The following DCHS2 variants were observed in gnomAD, a reference collection of about 807,000 sequenced individuals.
DCHS2 encodes dachsous cadherin-related 2.
A neutral mutation model predicts 182.4 loss-of-function variants in DCHS2; 142 were observed. The ratio of observed to expected loss-of-function variants is 0.78; its 90% confidence interval spans 0.68 to 0.89. The LOEUF is 0.89. DCHS2 is among the 40% of genes least tolerant of loss of function. The pLI is 0.00. For missense variants in DCHS2, 4,319 were observed against 4,198.6 expected (o/e 1.03, Z -0.79); for synonymous variants, 1,740 against 1,663.3 (o/e 1.05, Z -1.12).
intron 13 of DCHS2, among the ~76,000 whole-genome samples, chr4:154,275,929 T>C (rs970971356): frequency 3.3e-5 from 5 of 152,186 alleles, no homozygotes; most frequent in African/African-American, 1.2e-4. Context: ...CAAATGGAAT[T>C]GTAGCACAAA....
Position 154,298,194 on chromosome 4 carries a change from C to G in DCHS2, c.6120G>C (p.Gln2040His). ...DVNDNDPVLEQNPFDVFLSPE... is the reference protein window; with the variant it reads ...DVNDNDPVLEHNPFDVFLSPE... Reference sequence around the variant, plus strand: ...GGGAAAGAAACACATCAAAAGGGTTCTGTTCCAAAACTGGATCATTGTCAT... The same window carrying G: ...GGGAAAGAAACACATCAAAAGGGTTGTGTTCCAAAACTGGATCATTGTCAT... Residue 2040 changes from glutamine (Q) to histidine (H), a missense_variant, in exon 13 of 20, where the codon CAG becomes CAC. Transcript: ENST00000357232. 1 of 1,614,116 alleles carries G rather than the reference C, an allele frequency of 6.2e-7. No individual in the cohort carries two copies. Among genetic ancestry groups the G allele is most frequent in the Non-Finnish European group, 8.5e-7 (1 of 1,180,006 alleles).
intron 3 of DCHS2, among the ~76,000 whole-genome samples, chr4:154,347,608 T>C (rs1729419244): frequency 6.6e-6 from 1 of 151,892 alleles, no homozygotes; most frequent in Non-Finnish European, 1.5e-5. Flanking sequence ...GACTCCTTAA[T>C]ACAATACTAG....
At chr4:154,424,699 C>T (rs1733251726) in intron 1 of DCHS2, among the ~76,000 whole-genome samples, 1 of 152,222 alleles carries the variant, frequency 6.6e-6, no homozygotes, top group Non-Finnish European at 1.5e-5. Flanking sequence ...CTTATAGGGT[C>T]TCAGTAAATT....
intron 1 of DCHS2, among the ~76,000 whole-genome samples, chr4:154,461,634 CAT>C (rs1735013277): frequency 6.6e-6 from 1 of 152,056 alleles, no homozygotes; most frequent in Non-Finnish European, 1.5e-5. Context: ...AGAAATAGAA[CAT>C]ATTTTTATAA....
intron 17 of DCHS2, among the ~76,000 whole-genome samples, chr4:154,242,285 A>G (rs1340214206): frequency 6.6e-6 from 1 of 152,150 alleles, no homozygotes; most frequent in East Asian, 1.9e-4. Flanking sequence ...GAAAAGACTG[A>G]CAGAGTTATG....
At chr4:154,344,468 T>C (rs1729264102) in intron 3 of DCHS2, among the ~76,000 whole-genome samples, 1 of 152,254 alleles carries the variant, frequency 6.6e-6, no homozygotes, top group African/African-American at 2.4e-5. Context: ...CTTCATTTCT[T>C]GAATTATATT....
intron 16 of DCHS2, among the ~76,000 whole-genome samples, chr4:154,252,174 T>TTTTAA (rs1560985237): frequency 6.6e-6 from 1 of 152,138 alleles, no homozygotes; most frequent in African/African-American, 2.4e-5. Flanking sequence ...CTTTTTCAAT[T>TTTTAA]TTTAATTTTT....
intron 10 of DCHS2, among the ~76,000 whole-genome samples, chr4:154,305,511 C>T (rs1454362813): frequency 1.3e-5 from 2 of 152,120 alleles, no homozygotes. Context: ...TATGAGTGTG[C>T]AACTCTACAA....
At chr4:154,419,336 A>G (rs544322425) in intron 1 of DCHS2, among the ~76,000 whole-genome samples, 1 of 152,332 alleles carries the variant, frequency 6.6e-6, no homozygotes, top group South Asian at 2.1e-4. Context: ...TTCAAAATTT[A>G]TGAGGAACTC....
At chr4:154,280,374 G>T (rs1001811439) in intron 13 of DCHS2, among the ~76,000 whole-genome samples, 1 of 152,092 alleles carries the variant, frequency 6.6e-6, no homozygotes, top group African/African-American at 2.4e-5. Context: ...CTCATATTAT[G>T]AGGCCAGCAT....
intron 9 of DCHS2, among the ~76,000 whole-genome samples, chr4:154,319,830 T>C (rs932808817): frequency 1.3e-5 from 2 of 152,096 alleles, no homozygotes; most frequent in South Asian, 2.1e-4. Context: ...AACTCCACTT[T>C]TGGATATTTA....
At chr4:154,273,932 C>T (rs1418424048) in intron 13 of DCHS2, among the ~76,000 whole-genome samples, 3 of 152,014 alleles carry the variant, frequency 2.0e-5, no homozygotes, top group Non-Finnish European at 2.9e-5. Context: ...TAACAGAGGC[C>T]ATGTATAAGA....
chr4:154,476,976 A>G (rs1483654482), intron 1 of DCHS2, among the ~76,000 whole-genome samples: 1 of 152,188 alleles, frequency 6.6e-6, no homozygotes, highest in African/African-American at 2.4e-5. Context: ...TAGCTGGGGA[A>G]GGGGAGACTC....
intron 13 of DCHS2, among the ~76,000 whole-genome samples, chr4:154,294,298 A>G (rs964247002): frequency 6.6e-6 from 1 of 152,190 alleles, no homozygotes; most frequent in Non-Finnish European, 1.5e-5. Context: ...ATATAATAGG[A>G]AGTATGTTGG....
rs1331952461 is a variant in DCHS2 at position 154,409,566 on chromosome 4, A to G, written c.2053-32122T>C. On this transcript the variant is annotated intron_variant, in intron 1 of 19. Coordinates refer to ENST00000357232, the MANE Select transcript of DCHS2 (RefSeq NM_001358235.2). ...GGATTCCTCAGAGTAACAGATCCCA[A>G]CGTTGTGGGTAATCTTCATCCAAAC... 2.6e-5 allele frequency among the ~76,000 whole-genome samples: 4 copies of G among 152,102 alleles called. No individual in the cohort carries two copies. The South Asian group carries it at 6.2e-4, about 24-fold the overall frequency.
rs1728578429 is a variant in DCHS2, at chr4:154,333,294, C to T, written c.2914G>A (p.Val972Ile). The T allele has an allele frequency of 3.1e-6, 5 of 1,614,232 alleles. No homozygotes were observed. The highest frequency in any genetic ancestry group is 4.2e-6 in the Non-Finnish European group (5 of 1,180,044). ...STEVNITVMD[V>I]NDNHPAFLRT... ...AGGAACGCTGGGTGGTTGTCATTGACATCCATGACTGTTATGTTGACCTCG... is the reference window on the plus strand; with the variant it reads ...AGGAACGCTGGGTGGTTGTCATTGATATCCATGACTGTTATGTTGACCTCG... The change falls in exon 5 of 20, where the codon GTC becomes ATC. Residue 972 changes from valine to isoleucine, a missense_variant. Coordinates refer to ENST00000357232, the MANE Select transcript of DCHS2 (RefSeq NM_001358235.2).
In DCHS2 at chr4:154,236,075, A is replaced by G; in HGVS notation, c.8577T>C (p.Asp2859=). Residue 2859 remains aspartate (D), a synonymous_variant, in exon 20 of 20, where the codon GAT becomes GAC. Transcript: ENST00000357232. ...CCCAGACCACTAAGGAGGCAGTTGC[A>G]TCACCTTTGTCTTTGGCTTGGACTG... The part of the protein sequence containing the change: ...CLTVQAKDKG[D]ATASLVVWVD... The G allele has an allele frequency of 6.2e-7, 1 of 1,613,798 alleles. No homozygotes were observed.
At chr4:154,318,336 A>T (rs1168883597) in intron 9 of DCHS2, among the ~76,000 whole-genome samples, 1 of 151,954 alleles carries the variant, frequency 6.6e-6, no homozygotes, top group African/African-American at 2.4e-5. Context: ...GAAAAAAAAG[A>T]AAAAGTTAAA....
chr4:154,375,389 G>A (rs1232342402), intron 2 of DCHS2, among the ~76,000 whole-genome samples: 2 of 151,982 alleles, frequency 1.3e-5, no homozygotes, highest in African/African-American at 2.4e-5. Context: ...GAAAAGGCCA[G>A]CCACGGAATG....
Sources: allele counts gnomAD v4.1 joint callset (sites outside exome capture counted in the v4.1 genomes callset), GRCh38; gene constraint gnomAD v4.1.1; transcripts MANE v1.5; gene names NCBI Gene and HGNC (gene_info 2026-07-23, HGNC 2026-07-21).